The following FERMT3 variants were observed in gnomAD, a reference collection of about 807,000 sequenced individuals.
The protein encoded by FERMT3 is FERM domain containing kindlin 3.
In FERMT3, 33 loss-of-function variants were observed where a neutral mutation model predicts 80.8. The ratio of observed to expected loss-of-function variants is 0.41; its 90% CI spans 0.31 to 0.55. FERMT3 has a LOEUF of 0.55. Among genes scored for constraint, FERMT3 ranks in the 20% least tolerant of loss-of-function variants. The pLI is 0.31. For missense variants in FERMT3, 754 were observed against 908.7 expected, an observed-to-expected ratio of 0.83 and a Z score of 2.19; for synonymous variants, 375 against 372.2, an observed-to-expected ratio of 1.01 and a Z score of -0.09.
chr11:64,207,626 T>TG, intron 2 of FERMT3, 102 bp downstream of exon 2: 1 of 1,406,268 alleles, frequency 7.1e-7, no homozygotes, highest in East Asian at 2.3e-5. Flanking sequence ...CTCCCGATAA[T>TG]GGTGTCACGG....
In FERMT3 at chr11:64,219,666, G is replaced by A. The variant is rs1465346789; in HGVS notation, c.1029+8G>A. On this transcript the variant is annotated splice_region_variant and intron_variant, in intron 8 of 14. Transcript: ENST00000345728. This position sits in a 1 kb window ranked among gnomAD's most constrained non-coding sequence, Gnocchi z 4.0. ...GCGCCCACAGATGTGCTGGTGAGGA[G>A]GGGCTCAGGGCAGGGGCTGGGCAGG... 1 of 1,613,818 alleles carries A rather than the reference G, an allele frequency of 6.2e-7. No homozygotes were observed. Among genetic ancestry groups the A allele is most frequent in the Non-Finnish European group, 8.5e-7 (1 of 1,180,000 alleles).
chr11:64,222,363 G>C (rs555085646), intron 13 of FERMT3, among the ~76,000 whole-genome samples: 20 of 151,648 alleles, frequency 1.3e-4, no homozygotes, highest in Non-Finnish European at 2.4e-4. Flanking sequence ...TCAGGAGTTC[G>C]AGACCAGCCT....
chr11:64,220,991 G>T (rs1007895406), intron 12 of FERMT3, 25 bp from the exon 13 acceptor site: 1 of 1,607,696 alleles, frequency 6.2e-7, no homozygotes. Flanking sequence ...GTGCCTGGCA[G>T]CCCGTCACCA....
In FERMT3 at chr11:64,221,152, G is replaced by C; in HGVS notation, c.1670+12G>C. 1 of 1,606,364 alleles carries C rather than the reference G, an allele frequency of 6.2e-7. No individual in the cohort carries two copies. The highest frequency in any genetic ancestry group is 8.5e-7 in the Non-Finnish European group (1 of 1,179,590). ...TATGTCATGGTCAGGTATGGCCCCT[G>C]GCCCAGCCCCCTGCCCAGCACCGTC... On this transcript the variant is annotated intron_variant, in intron 13 of 14. Coordinates refer to ENST00000345728, the MANE Select transcript of FERMT3 (RefSeq NM_031471.6).
At chr11:64,221,589 C>T (rs1388925356) in intron 13 of FERMT3, among the ~76,000 whole-genome samples, 3 of 152,138 alleles carry the variant, frequency 2.0e-5, no homozygotes, top group African/African-American at 7.2e-5. Context: ...CGTGATCACA[C>T]TACTGCACTC....
chr11:64,218,898 T>C (rs1946610260), intron 6 of FERMT3, among the ~76,000 whole-genome samples: 1 of 141,334 alleles, frequency 7.1e-6, no homozygotes, highest in Non-Finnish European at 1.5e-5. Flanking sequence ...TGAGGGCTCA[T>C]GTGAGCTTCC....
chr11:64,212,667 C>T (rs893787940), intron 6 of FERMT3, among the ~76,000 whole-genome samples: 5 of 151,824 alleles, frequency 3.3e-5, no homozygotes, highest in African/African-American at 1.2e-4. Flanking sequence ...GGCCTCTCCC[C>T]AAGCCACTCT....
rs762230079 is a variant in FERMT3, at chr11:64,220,498, C to G, written c.1374C>G (p.Ala458=). Residue 458 remains alanine (A), a synonymous_variant, in exon 12 of 15, where the codon GCC becomes GCG. Transcript: ENST00000345728. ...CRLASKGRTM[A]DSSYTSEVQA... The stretch of plus-strand genomic sequence containing the variant: ...TGGCCTCCAAAGGCCGCACCATGGC[C>G]GACAGCAGCTACACCAGCGAGGTGC... 17 of 1,608,570 alleles carry G rather than the reference C, an allele frequency of 1.1e-5. No individual in the cohort carries two copies. The highest frequency in any genetic ancestry group is 1.2e-5 in the Non-Finnish European group (14 of 1,178,056).
In FERMT3 at chr11:64,219,757, CCCAGAG is replaced by C. The variant is rs2134881604; in HGVS notation, c.1049_1054del (p.Pro350_Glu351del). ...TCCCATAGGACAGCCTCACCACCAT[CCCAGAG>C]CTCAAGGACCATCTCCGAATCTTTC... On this transcript the variant is annotated inframe_deletion, in exon 9 of 15. Transcript: ENST00000345728. The surrounding 1 kb of genome is among the most constrained non-coding windows in gnomAD (Gnocchi z 4.0). 1 of 1,613,988 alleles carries C rather than the reference CCCAGAG, an allele frequency of 6.2e-7. No individual in the cohort carries two copies. The highest frequency in any genetic ancestry group is 8.5e-7 in the Non-Finnish European group (1 of 1,179,998).
Position 64,223,841 on chromosome 11 carries a change from T to C in FERMT3, c.*349T>C. 1 of 1,407,320 alleles carries C rather than the reference T, an allele frequency of 7.1e-7. No individual in the cohort carries two copies. Among genetic ancestry groups the C allele is most frequent in the Non-Finnish European group, 9.7e-7 (1 of 1,031,740 alleles). The allele number at this position is 1,407,320 out of a possible 1,614,324, so 87.2% of individuals were successfully genotyped here. On this transcript the variant is annotated 3_prime_UTR_variant, in exon 15 of 15. Transcript: ENST00000345728. ...TGGTTTCAAACGAGTTCTTTCTTGT[T>C]ACTTTTTAAAATTTCTTTTTTATAA... is the stretch of plus-strand genomic sequence containing the variant.
chr11:64,222,742 C>G (rs887107829), intron 13 of FERMT3, among the ~76,000 whole-genome samples: 4 of 152,098 alleles, frequency 2.6e-5, no homozygotes. Flanking sequence ...TTTCCCAAGA[C>G]TGCAAAGAAG....
intron 13 of FERMT3, among the ~76,000 whole-genome samples, chr11:64,221,580 G>A (rs766524123): frequency 7.2e-5 from 11 of 152,070 alleles, no homozygotes; most frequent in Non-Finnish European, 1.6e-4. Flanking sequence ...GCAGTGAGCC[G>A]TGATCACACT....
rs370418382 is a variant in FERMT3, at chr11:64,210,712, G to A, written c.262G>A (p.Asp88Asn). 4.3e-6 allele frequency: 7 copies of A among 1,614,166 alleles called. No individual in the cohort carries two copies. Among genetic ancestry groups the A allele is most frequent in the East Asian group, 2.2e-5 (1 of 44,878 alleles). Residue 88 changes from aspartate (D) to asparagine (N), a missense_variant, in exon 3 of 15, where the codon GAC (aspartate) becomes AAC (asparagine). Coordinates refer to ENST00000345728, the MANE Select transcript of FERMT3 (RefSeq NM_031471.6). This position sits in a 1 kb window ranked among gnomAD's most constrained non-coding sequence, Gnocchi z 4.3. ...ACTGGACAAGTACGGGATCCTGGCC[G>A]ACGCACGCCTCTTCTTTGGGCCCCA... ...WTLDKYGILA[D>N]ARLFFGPQHR...
At chr11:64,209,582 G>A (rs959769813) in intron 2 of FERMT3, among the ~76,000 whole-genome samples, 2 of 152,178 alleles carry the variant, frequency 1.3e-5, no homozygotes, top group African/African-American at 2.4e-5. Flanking sequence ...GGGATGCGGC[G>A]GCACACAGCC....
At position 64,211,038 on chromosome 11, in the gene FERMT3, C is replaced by A; in HGVS notation, c.395-14C>A. On this transcript the variant is annotated splice_polypyrimidine_tract_variant and intron_variant, in intron 3 of 14. Coordinates refer to ENST00000345728, the MANE Select transcript of FERMT3 (RefSeq NM_031471.6). This position sits in a 1 kb window ranked among gnomAD's most constrained non-coding sequence, Gnocchi z 4.7. ...GCAGGACCTAGTCCCCGCTGAGACC[C>A]TAGCTCCCCTCAGGCATCCGGCACC... is the stretch of plus-strand genomic sequence containing the variant. 1 of 1,604,894 alleles carries A rather than the reference C, an allele frequency of 6.2e-7. No homozygotes were observed. The highest frequency in any genetic ancestry group is 1.1e-5 in the South Asian group (1 of 89,444).
At chr11:64,222,831 A>C (rs1946739991) in intron 13 of FERMT3, among the ~76,000 whole-genome samples, 1 of 152,238 alleles carries the variant, frequency 6.6e-6, no homozygotes, top group African/African-American at 2.4e-5. Context: ...TGTTTGCCCG[A>C]TGCTGCTAAA....
intron 10 of FERMT3, 64 bp from the exon 11 acceptor site, chr11:64,220,156 A>G (rs1443747954): frequency 6.3e-7 from 1 of 1,576,086 alleles, no homozygotes; most frequent in African/African-American, 1.4e-5. Flanking sequence ...GCTAGGATGC[A>G]CTCCAGGACC....
At chr11:64,220,115 A>G in intron 10 of FERMT3, 100 bp downstream of exon 10, 1 of 1,577,498 alleles carries the variant, frequency 6.3e-7, no homozygotes, top group Non-Finnish European at 8.7e-7. Context: ...AGACCGGGGA[A>G]GATGCCCTCT....
rs536824894 is a variant in FERMT3, at chr11:64,221,197, C to T, written c.1670+57C>T. 102 of 1,555,902 alleles carry T rather than the reference C, an allele frequency of 6.6e-5. No individual in the cohort carries two copies. In the South Asian group the frequency reaches 8.7e-4, roughly 13 times the overall value. On this transcript the variant is annotated intron_variant, in intron 13 of 14. Coordinates refer to ENST00000345728, the MANE Select transcript of FERMT3 (RefSeq NM_031471.6). Reference sequence around the variant, plus strand: ...ACCGTCTCTGCCCTCACCTGCCACCCGGCTGCTGTGTGCCCACATCCCAAG... The same window carrying T: ...ACCGTCTCTGCCCTCACCTGCCACCTGGCTGCTGTGTGCCCACATCCCAAG...
Sources: gnomAD v4.1 joint callset for allele counts (sites outside exome capture counted in the v4.1 genomes callset) on GRCh38, gnomAD v4.1.1 for gene constraint, Gnocchi (gnomAD v3.1) non-coding constraint, MANE v1.5 for transcripts, NCBI Gene and HGNC (gene_info 2026-07-23, HGNC 2026-07-21) for gene names.